The following SRRM4 variants were observed in gnomAD, a reference collection of about 807,000 sequenced individuals.
The protein encoded by SRRM4 is serine/arginine repetitive matrix 4.
In SRRM4, 33 loss-of-function variants were observed where a neutral mutation model predicts 68.9. The ratio of observed to expected loss-of-function variants is 0.48; its 90% CI spans 0.36 to 0.64. SRRM4 has a LOEUF of 0.64. Ranked by LOEUF, SRRM4 falls within the 30% of genes least tolerant of loss-of-function variation. SRRM4 has a pLI of 0.00. For synonymous variants in SRRM4, 318 were observed against 318.8 expected, an observed-to-expected ratio of 1.00 and a Z score of 0.03; for missense variants, 817 against 827.1, an observed-to-expected ratio of 0.99 and a Z score of 0.15.
chr12:119,133,828 C>T (rs902304803), intron 8 of SRRM4, among the ~76,000 whole-genome samples: 5 of 152,180 alleles, frequency 3.3e-5, no homozygotes, highest in Non-Finnish European at 7.3e-5. Flanking sequence ...TAGCCTGTGC[C>T]TTCTAATGAA....
chr12:119,107,765 A>C (rs1936966057), intron 2 of SRRM4, among the ~76,000 whole-genome samples: 1 of 152,060 alleles, frequency 6.6e-6, no homozygotes, highest in Non-Finnish European at 1.5e-5. Flanking sequence ...TTTTCAAAAA[A>C]CCAGCTCCTG....
chr12:119,048,212 G>T (rs1192003029), intron 1 of SRRM4, among the ~76,000 whole-genome samples: 1 of 152,160 alleles, frequency 6.6e-6, no homozygotes, highest in Non-Finnish European at 1.5e-5. Context: ...AATGCAGCTT[G>T]CCCCAGACCG....
chr12:119,022,282 T>G (rs1953521092), intron 1 of SRRM4, among the ~76,000 whole-genome samples: 1 of 152,246 alleles, frequency 6.6e-6, no homozygotes, highest in Non-Finnish European at 1.5e-5. Flanking sequence ...ATTTCACATT[T>G]TTTGGTTACT....
Position 119,102,218 on chromosome 12 carries a change from T to C in SRRM4, c.132-18T>C. On this transcript the variant is annotated intron_variant, in intron 1 of 12. Coordinates refer to ENST00000267260, the MANE Select transcript of SRRM4 (RefSeq NM_194286.4). The stretch of plus-strand genomic sequence containing the variant: ...TGTATATTCTAACACTTTTGTGTCC[T>C]TATTTCTTCTTCTGTAGGACAGAGC... 1 of 1,602,020 alleles carries C rather than the reference T, an allele frequency of 6.2e-7. No homozygotes were observed. Among genetic ancestry groups the C allele is most frequent in the Non-Finnish European group, 8.5e-7 (1 of 1,174,130 alleles).
intron 1 of SRRM4, among the ~76,000 whole-genome samples, chr12:119,062,912 T>C (rs945924928): frequency 5.3e-4 from 80 of 152,224 alleles, no homozygotes; most frequent in African/African-American, 1.8e-3. Flanking sequence ...ACATTAATAT[T>C]ACCTTATGGG....
intron 8 of SRRM4, among the ~76,000 whole-genome samples, chr12:119,136,256 G>A (rs1954327578): frequency 1.3e-5 from 2 of 152,168 alleles, no homozygotes. Flanking sequence ...TTTGTAGATA[G>A]GGAAAATAGG....
intron 5 of SRRM4, among the ~76,000 whole-genome samples, chr12:119,121,223 C>T (rs551329324): frequency 7.0e-4 from 107 of 152,282 alleles, no homozygotes; most frequent in African/African-American, 2.5e-3. Flanking sequence ...AAGATAGATC[C>T]TGTGGCTGGC....
intron 2 of SRRM4, among the ~76,000 whole-genome samples, chr12:119,112,963 TTTAAAA>T (rs1356611495): frequency 6.6e-6 from 1 of 151,452 alleles, no homozygotes; most frequent in Non-Finnish European, 1.5e-5. Flanking sequence ...AATGTACAAA[TTTAAAA>T]TTAAAATTAA....
Position 119,145,388 on chromosome 12 carries a change from G to T in SRRM4, c.779G>T (p.Gly260Val). 1 of 1,602,378 alleles carries T rather than the reference G, an allele frequency of 6.2e-7. No homozygotes were observed. The highest frequency in any genetic ancestry group is 2.2e-5 in the East Asian group (1 of 44,506). Residue 260 changes from glycine (G) to valine (V), a missense_variant, in exon 9 of 13, where the codon GGG becomes GTG. Gly to Val is a moderately radical substitution (Grantham distance 109, BLOSUM62 -3). Coordinates refer to ENST00000267260, the MANE Select transcript of SRRM4 (RefSeq NM_194286.4). ...GGGTCTTTTTGCTTTCAGATCACTG[G>T]GTCGGGGTCTGCTGCTGACCTCTTT... ...GYLSARGVIT[G>V]SGSAADLFTK...
At chr12:119,129,086 G>A (rs897548767) in intron 7 of SRRM4, among the ~76,000 whole-genome samples, 1 of 152,200 alleles carries the variant, frequency 6.6e-6, no homozygotes, top group Non-Finnish European at 1.5e-5. Flanking sequence ...AACTGCCCTG[G>A]CCCTTGCTCT....
chr12:119,100,813 G>GTCTT (rs1954073676), intron 1 of SRRM4, among the ~76,000 whole-genome samples: 2 of 152,212 alleles, frequency 1.3e-5, no homozygotes, highest in Non-Finnish European at 2.9e-5. Flanking sequence ...ACATGGAAAG[G>GTCTT]TAACCCCCAT....
intron 1 of SRRM4, among the ~76,000 whole-genome samples, chr12:119,060,624 C>G (rs1417910317): frequency 3.3e-5 from 5 of 151,744 alleles, no homozygotes; most frequent in Non-Finnish European, 7.4e-5. Context: ...CACAAGACCC[C>G]CTCCCAAGTA....
chr12:119,059,028 C>T (rs1259199640), intron 1 of SRRM4, among the ~76,000 whole-genome samples: 1 of 152,158 alleles, frequency 6.6e-6, no homozygotes, highest in Admixed American at 6.5e-5. Context: ...GCTGGAGACA[C>T]CTCTGCCCAG....
chr12:119,040,160 C>CAAT (rs1594039104), intron 1 of SRRM4, among the ~76,000 whole-genome samples: 2 of 151,982 alleles, frequency 1.3e-5, no homozygotes, highest in African/African-American at 4.8e-5. Context: ...ACAATAAGAA[C>CAAT]AATAATAATA....
At chr12:119,156,344 T>A (rs1954470965) in intron 12 of SRRM4, 151 bp from the exon 13 acceptor site, 1 of 1,225,254 alleles carries the variant, frequency 8.2e-7, no homozygotes, top group Non-Finnish European at 1.1e-6. Flanking sequence ...TGATGTGTTC[T>A]CAGCACTGCA....
chr12:119,122,231 G>T, intron 6 of SRRM4, 111 bp downstream of exon 6: 1 of 620,454 alleles, frequency 1.6e-6, no homozygotes, highest in Non-Finnish European at 2.8e-6. Context: ...GGGAGGAGAA[G>T]GTGAGCGGGT....
intron 1 of SRRM4, among the ~76,000 whole-genome samples, chr12:118,982,676 TTTG>T (rs1953256464): frequency 8.0e-6 from 1 of 125,436 alleles, no homozygotes. Flanking sequence ...TTTGTTTTTT[TTTG>T]TTTTTTTTTT....
At chr12:119,094,924 G>C (rs1374514900) in intron 1 of SRRM4, among the ~76,000 whole-genome samples, 1 of 152,208 alleles carries the variant, frequency 6.6e-6, no homozygotes, top group African/African-American at 2.4e-5. Flanking sequence ...GAAATAATGA[G>C]AGAAATGACA....
At position 119,045,485 on chromosome 12, in the gene SRRM4, C is replaced by A. The variant is rs149586852; in HGVS notation, c.132-56751C>A. 3.5e-3 allele frequency among the ~76,000 whole-genome samples: 502 copies of A among 145,372 alleles called. 3 individuals are homozygous for A. The highest frequency in any genetic ancestry group is 0.012 in the African/African-American group (479 of 38,610). ...ACATTCCCCTTCCCCCACTCCCCCG[C>A]TCCCCCCCGCCCCAAAACACTCACA... is the stretch of plus-strand genomic sequence containing the variant. On this transcript the variant is annotated intron_variant, in intron 1 of 12. Transcript: ENST00000267260.
Sources: gnomAD v4.1 joint callset for allele counts (sites outside exome capture counted in the v4.1 genomes callset) on GRCh38, gnomAD v4.1.1 for gene constraint, MANE v1.5 for transcripts, NCBI Gene and HGNC (gene_info 2026-07-23, HGNC 2026-07-21) for gene names.